The following ZNF713 variants were observed in gnomAD, a reference collection of about 807,000 sequenced individuals.
ZNF713 encodes the protein zinc finger protein 713.
Under a neutral mutation model 28.7 loss-of-function variants are expected in ZNF713, and 21 were observed. The observed-to-expected ratio is 0.73, with a 90% confidence interval of 0.52 to 1.05. The LOEUF is 1.05. ZNF713 is among the 50% of genes least tolerant of loss of function. The pLI is 0.00. For synonymous variants in ZNF713, 167 were observed against 178.0 expected (o/e 0.94, Z 0.49); for missense variants, 458 against 532.4 (o/e 0.86, Z 1.37).
In ZNF713 at chr7:55,938,219, C is replaced by CAA. The variant is rs966929786; in HGVS notation, c.308-756_308-755dup. ...AGAGCGAGACTCCATCTCAAAAAAACAAAAAAAAGAGGAAAGCCATGGGAC... is the reference window on the plus strand; with the variant it reads ...AGAGCGAGACTCCATCTCAAAAAAACAAAAAAAAAAGAGGAAAGCCATGGGAC... On this transcript the variant is annotated intron_variant, in intron 6 of 6. Coordinates refer to ENST00000429591, the MANE Select transcript of ZNF713 (RefSeq NM_182633.3). 3.3e-5 allele frequency among the ~76,000 whole-genome samples: 5 copies of CAA among 151,312 alleles called. No individual in the cohort carries two copies. The East Asian group carries it at 9.7e-4, about 29-fold the overall frequency.
At chr7:55,894,476 ATATC>A (rs1785439580) in intron 1 of ZNF713, among the ~76,000 whole-genome samples, 1 of 152,272 alleles carries the variant, frequency 6.6e-6, no homozygotes, top group Non-Finnish European at 1.5e-5. Flanking sequence ...TCTGTCCCAT[ATATC>A]TAAGAAGTGC....
rs1358953598 is a variant in ZNF713, at chr7:55,939,815, C to T, written c.1141C>T (p.Gln381Ter). Residue 381 changes from glutamine to a stop codon, truncating the protein, a stop_gained, in exon 7 of 7, where the codon CAG becomes TAG. Transcript: ENST00000429591. LOFTEE classifies it high-confidence loss of function. Reference sequence around the variant, plus strand: ...TGGTTTCTGTGGCAAAGCCTTCAGTCAGAGGACACATCTGAATCAACATGA... The same window carrying T: ...TGGTTTCTGTGGCAAAGCCTTCAGTTAGAGGACACATCTGAATCAACATGA... The part of the protein sequence containing the change: ...ECGFCGKAFS[Q>*]RTHLNQHERT... 1 of 1,614,146 alleles carries T rather than the reference C, an allele frequency of 6.2e-7. No homozygotes were observed. The highest frequency in any genetic ancestry group is 8.5e-7 in the Non-Finnish European group (1 of 1,180,038).
intron 4 of ZNF713, among the ~76,000 whole-genome samples, chr7:55,914,392 A>G (rs185624755): frequency 2.0e-5 from 3 of 152,188 alleles, no homozygotes; most frequent in African/African-American, 7.2e-5. Flanking sequence ...ACAAGGTTTC[A>G]CTATGTTGCC....
chr7:55,913,195 CTTTTTTTTTTTTT>C (rs66851959), intron 4 of ZNF713, among the ~76,000 whole-genome samples: 4 of 88,140 alleles, frequency 4.5e-5, no homozygotes, highest in Non-Finnish European at 8.2e-5. Flanking sequence ...GTTTTGATTC[CTTTTTTTTTTTTT>C]TTTTTTTTTT....
At chr7:55,929,360 T>C (rs1023914221) in intron 6 of ZNF713, among the ~76,000 whole-genome samples, 11 of 152,074 alleles carry the variant, frequency 7.2e-5, no homozygotes, top group Non-Finnish European at 1.3e-4. Context: ...CCCAAATACA[T>C]GTGGGCATTT....
chr7:55,932,816 G>A (rs1189222756), intron 6 of ZNF713, among the ~76,000 whole-genome samples: 2 of 135,358 alleles, frequency 1.5e-5, no homozygotes, highest in South Asian at 2.6e-4. Context: ...CCCGGGAAGC[G>A]GAGCTTGCAG....
chr7:55,892,574 A>AAAC (rs1785404961), intron 1 of ZNF713, among the ~76,000 whole-genome samples: 2 of 150,238 alleles, frequency 1.3e-5, no homozygotes, highest in Non-Finnish European at 3.0e-5. Flanking sequence ...AAAAAAAAAA[A>AAAC]AAAACAAAGC....
intron 1 of ZNF713, among the ~76,000 whole-genome samples, chr7:55,902,993 C>CAAA (rs35706402): frequency 2.0e-4 from 16 of 80,740 alleles, no homozygotes; most frequent in Admixed American, 3.0e-4. Context: ...AACTCCGTCT[C>CAAA]AAAAAAAAAA....
At chr7:55,893,653 C>T (rs1433351562) in intron 1 of ZNF713, among the ~76,000 whole-genome samples, 1 of 152,072 alleles carries the variant, frequency 6.6e-6, no homozygotes. Flanking sequence ...GATCTTGGCT[C>T]ACTGCAACCT....
rs1367351271 is a variant in ZNF713, at chr7:55,941,397, A to C, written c.*1391A>C. 1 of 151,218 alleles carries C rather than the reference A, an allele frequency of 6.6e-6. No homozygotes were observed. Among genetic ancestry groups the C allele is most frequent in the Non-Finnish European group, 1.5e-5 (1 of 67,878 alleles). 9.4% of individuals were successfully genotyped at this position (151,218 alleles called of 1,614,324 possible). On this transcript the variant is annotated 3_prime_UTR_variant, in exon 7 of 7. Transcript: ENST00000429591. ...CTTGAACCCGGTAGGTGGAGGTTGCAGTGAGCCAAGATCACGCCACTGTAC... is the reference window on the plus strand; with the variant it reads ...CTTGAACCCGGTAGGTGGAGGTTGCCGTGAGCCAAGATCACGCCACTGTAC...
chr7:55,919,503 T>TTTTTTGTTTTTTTTTTG (rs1562743539), intron 4 of ZNF713, among the ~76,000 whole-genome samples: 15 of 57,706 alleles, frequency 2.6e-4, no homozygotes, highest in South Asian at 9.1e-4. Flanking sequence ...TTTTTTTTTT[T>TTTTTTGTTTTTTTTTTG]TTTTTTTTTT....
chr7:55,889,179 G>A (rs372403896), intron 1 of ZNF713, among the ~76,000 whole-genome samples: 1 of 148,512 alleles, frequency 6.7e-6, no homozygotes, highest in South Asian at 2.1e-4. Context: ...TCCGCTCACC[G>A]CAACCTCTGC....
At chr7:55,931,873 A>C (rs1231862792) in intron 6 of ZNF713, among the ~76,000 whole-genome samples, 2 of 152,202 alleles carry the variant, frequency 1.3e-5, no homozygotes, top group Non-Finnish European at 2.9e-5. Context: ...CCTGTGTAGT[A>C]GGAGCCTAGA....
intron 1 of ZNF713, among the ~76,000 whole-genome samples, chr7:55,905,333 T>C (rs767480527): frequency 2.0e-5 from 3 of 152,218 alleles, no homozygotes; most frequent in Non-Finnish European, 1.5e-5. Context: ...CCTGGATGTC[T>C]ATGTATTTAT....
Position 55,939,730 on chromosome 7 carries a change from C to A in ZNF713, c.1056C>A (p.Ser352Arg), listed in dbSNP as rs369172980. 3.1e-6 allele frequency: 5 copies of A among 1,614,102 alleles called. No homozygotes were observed. Among genetic ancestry groups the A allele is most frequent in the Non-Finnish European group, 2.5e-6 (3 of 1,179,992 alleles). Residue 352 changes from serine to arginine, a missense_variant, in exon 7 of 7, where the codon AGC becomes AGA. Physicochemically the swap from Ser to Arg is moderately radical, Grantham distance 110. Coordinates refer to ENST00000429591, the MANE Select transcript of ZNF713 (RefSeq NM_182633.3). ...GTAATCAATGTGGTAAAGCTTTTAG[C>A]CGCATCACATCCCTTACTGAACATC... is the stretch of plus-strand genomic sequence containing the variant. ...YKCNQCGKAF[S>R]RITSLTEHHR...
intron 1 of ZNF713, among the ~76,000 whole-genome samples, chr7:55,890,705 A>G (rs1252839322): frequency 1.3e-5 from 2 of 152,134 alleles, no homozygotes; most frequent in African/African-American, 4.8e-5. Context: ...TCCTGGTATC[A>G]CAGATACACA....
chr7:55,912,664 C>T lies in ZNF713; in HGVS notation c.28C>T (p.Gln10Ter), dbSNP rs1785806782. The change falls in exon 4 of 7, where the codon CAG (glutamine) becomes TAG (stop). Residue 10 changes from glutamine (Q) to a stop codon, truncating the protein, a stop_gained. Transcript: ENST00000429591. LOFTEE classifies it high-confidence loss of function. MPSQNAVFSQEGNMEEEEMN... is the reference protein window; with the variant it reads MPSQNAVFS ...GCCTTCTCAGAATGCTGTTTTTTCT[C>T]AGGAGGGGAACATGGAGGAGGAAGA... is the stretch of plus-strand genomic sequence containing the variant. The T allele has an allele frequency of 1.9e-6, 3 of 1,613,264 alleles. No individual in the cohort carries two copies. The highest frequency in any genetic ancestry group is 1.7e-4 in the Middle Eastern group (1 of 6,054).
chr7:55,911,437 C>T (rs1420441342), intron 2 of ZNF713, among the ~76,000 whole-genome samples, 179 bp from the exon 3 acceptor site: 2 of 152,130 alleles, frequency 1.3e-5, no homozygotes, highest in Non-Finnish European at 2.9e-5. Flanking sequence ...ACACCTCTGC[C>T]TTTTGTAATG....
intron 6 of ZNF713, among the ~76,000 whole-genome samples, chr7:55,925,992 C>G (rs1299899262): frequency 6.6e-6 from 1 of 152,102 alleles, no homozygotes; most frequent in Non-Finnish European, 1.5e-5. Flanking sequence ...AGACCCCCAA[C>G]TCGAAAAAAT....
Sources: gnomAD v4.1 joint callset for allele counts (sites outside exome capture counted in the v4.1 genomes callset) on GRCh38, gnomAD v4.1.1 for gene constraint, MANE v1.5 for transcripts, NCBI Gene and HGNC (gene_info 2026-07-23, HGNC 2026-07-21) for gene names.